Variants in ZC4H2 observed in about 807,000 individuals in gnomAD.
ZC4H2 encodes the protein zinc finger C4H2 domain-containing protein.
For missense variants in ZC4H2, 137 were observed against 173.9 expected, an observed-to-expected ratio of 0.79 and a Z score of 1.19; for synonymous variants, 84 against 66.3, an observed-to-expected ratio of 1.27 and a Z score of -1.30.
intron 1 of ZC4H2, among the ~76,000 whole-genome samples, chrX:65,017,170 G>A (rs1313135068): frequency 8.9e-6 from 1 of 111,906 alleles, no homozygotes; most frequent in Non-Finnish European, 1.9e-5. Context: ...GGGCTTAATA[G>A]TCAAGATGAT....
At chrX:64,993,465 T>C (rs1486019882) in intron 1 of ZC4H2, among the ~76,000 whole-genome samples, 1 of 111,506 alleles carries the variant, frequency 9.0e-6, no homozygotes, top group Non-Finnish European at 1.9e-5. Context: ...TCTGAGGTGA[T>C]TAGGTCAGTG....
intron 1 of ZC4H2, among the ~76,000 whole-genome samples, chrX:64,989,948 C>T (rs1182339606): frequency 8.9e-6 from 1 of 111,851 alleles, no homozygotes; most frequent in African/African-American, 3.2e-5. Flanking sequence ...ACGGTACAAC[C>T]ATTATGGACA....
At chrX:64,919,941 G>A (rs1258949738) in intron 3 of ZC4H2, 140 bp downstream of exon 3, 1 of 567,156 alleles carries the variant, frequency 1.8e-6, no homozygotes, top group Non-Finnish European at 2.6e-6. Context: ...GCCACTGAAA[G>A]GCCTGGGACT....
At chrX:64,944,631 C>T (rs12388415) in intron 1 of ZC4H2, among the ~76,000 whole-genome samples, 11,894 of 111,110 alleles carry the variant, frequency 0.11, 1,522 homozygotes, top group African/African-American at 0.36. Flanking sequence ...GCCTGTCTTG[C>T]TAAGTTGGGG....
At chrX:65,021,118 G>T (rs753981903) in intron 1 of ZC4H2, among the ~76,000 whole-genome samples, 1 of 110,654 alleles carries the variant, frequency 9.0e-6, no homozygotes, top group East Asian at 2.8e-4. Flanking sequence ...ACAGATCAAT[G>T]AGACAGAAAA....
chrX:64,946,675 T>C (rs1602406632), intron 1 of ZC4H2, among the ~76,000 whole-genome samples: 2 of 111,603 alleles, frequency 1.8e-5, no homozygotes. Context: ...ATATGAAATA[T>C]ATATGTTTGG....
intron 1 of ZC4H2, among the ~76,000 whole-genome samples, chrX:64,926,399 A>G (rs1049945807): frequency 2.0e-4 from 22 of 111,890 alleles, no homozygotes; most frequent in Non-Finnish European, 3.4e-4. Flanking sequence ...TGGTAACCAT[A>G]AGTTTTCATC....
intron 1 of ZC4H2, among the ~76,000 whole-genome samples, chrX:65,002,442 G>A (rs1223381140): frequency 9.3e-6 from 1 of 107,632 alleles, no homozygotes; most frequent in African/African-American, 3.4e-5. Flanking sequence ...CCGGGAGGTG[G>A]GGGGCGCCTC....
At chrX:65,017,868 C>A (rs764179970) in intron 1 of ZC4H2, among the ~76,000 whole-genome samples, 9 of 111,848 alleles carry the variant, frequency 8.0e-5, no homozygotes, top group Non-Finnish European at 1.9e-5. Context: ...GAGGGTGAAA[C>A]AGAAAAAAAT....
Position 64,917,779 on chromosome X carries a change from T to G in ZC4H2, c.*4A>C. On this transcript the variant is annotated 3_prime_UTR_variant, in exon 5 of 5. Coordinates refer to ENST00000374839, the MANE Select transcript of ZC4H2 (RefSeq NM_018684.4). ...TAGCAAAGCTTCATGTGCTCTCCCT[T>G]TCTTTATTCATCCTGCTTCCGTTTC... 8.3e-7 allele frequency: 1 copy of G among 1,209,786 alleles called. No homozygotes were observed. Among genetic ancestry groups the G allele is most frequent in the Non-Finnish European group, 1.1e-6 (1 of 894,441 alleles).
intron 1 of ZC4H2, among the ~76,000 whole-genome samples, chrX:64,992,157 A>G (rs1185854627): frequency 8.9e-6 from 1 of 111,858 alleles, no homozygotes; most frequent in East Asian, 2.8e-4. Context: ...TTATTGGTGA[A>G]ATTTACGGTG....
intron 1 of ZC4H2, among the ~76,000 whole-genome samples, chrX:64,942,428 C>A (rs1003068873): frequency 3.6e-5 from 4 of 109,640 alleles, no homozygotes; most frequent in Non-Finnish European, 5.7e-5. Context: ...TTTGCTGCAC[C>A]CATCAACCTG....
chrX:64,934,010 T>G (rs973539865), intron 1 of ZC4H2, among the ~76,000 whole-genome samples: 4 of 111,754 alleles, frequency 3.6e-5, no homozygotes, highest in African/African-American at 1.3e-4. Context: ...TCAATTCCCC[T>G]GCCAGGCAAG....
At chrX:64,943,446 T>C (rs1023937105) in intron 1 of ZC4H2, among the ~76,000 whole-genome samples, 1 of 111,669 alleles carries the variant, frequency 9.0e-6, no homozygotes, top group Non-Finnish European at 1.9e-5. Flanking sequence ...AAATTTCCCA[T>C]GATTATTGTG....
intron 1 of ZC4H2, among the ~76,000 whole-genome samples, chrX:64,944,253 G>T (rs1210091073): frequency 9.5e-6 from 1 of 105,242 alleles, no homozygotes; most frequent in East Asian, 2.9e-4. Flanking sequence ...CCATTCTCCT[G>T]CCTCAGCCTC....
chrX:64,936,020 C>T (rs1330690272), intron 1 of ZC4H2, among the ~76,000 whole-genome samples: 1 of 109,653 alleles, frequency 9.1e-6, no homozygotes, highest in Non-Finnish European at 1.9e-5. Flanking sequence ...AAGCTAAGAA[C>T]ATTGAAAAAG....
At chrX:64,990,985 C>T (rs1243631496) in intron 1 of ZC4H2, among the ~76,000 whole-genome samples, 1 of 112,095 alleles carries the variant, frequency 8.9e-6, no homozygotes, top group Non-Finnish European at 1.9e-5. Context: ...GGGGCAAAGA[C>T]TACACTGAAA....
chrX:64,981,022 G>C (rs774929126), upstream of ZC4H2, among the ~76,000 whole-genome samples: 20 of 110,309 alleles, frequency 1.8e-4, no homozygotes, highest in Non-Finnish European at 3.2e-4. Context: ...GAGACATAAG[G>C]AGTTGGGCAT....
chrX:64,945,531 G>T (rs1328677074), intron 1 of ZC4H2, among the ~76,000 whole-genome samples: 1 of 111,583 alleles, frequency 9.0e-6, no homozygotes, highest in African/African-American at 3.3e-5. Flanking sequence ...CTGCTGGGAG[G>T]TGTCTCCCAG....
Sources: gnomAD v4.1 joint callset for allele counts (sites outside exome capture counted in the v4.1 genomes callset) on GRCh38, gnomAD v4.1.1 for gene constraint, MANE v1.5 for transcripts, NCBI Gene and HGNC (gene_info 2026-07-23, HGNC 2026-07-21) for gene names.